Variants in TLL2 observed in about 807,000 individuals in gnomAD.
The protein encoded by TLL2 is tolloid-like protein 2.
Under a neutral mutation model 123.0 loss-of-function variants are expected in TLL2, and 106 were observed. The ratio of observed to expected loss-of-function variants is 0.86; its 90% CI spans 0.74 to 1.01. The LOEUF is 1.01. Ranked by LOEUF, TLL2 falls within the 50% of genes least tolerant of loss-of-function variation. The pLI is 0.00. For synonymous variants in TLL2, 494 were observed against 516.8 expected (o/e 0.96, Z 0.60); for missense variants, 1,332 against 1,336.7 (o/e 1.00, Z 0.06).
rs1846759240 is a variant in TLL2 at position 96,432,901 on chromosome 10, G to A, written c.426C>T (p.Thr142=). 6.2e-7 allele frequency: 1 copy of A among 1,614,138 alleles called. No homozygotes were observed. The highest frequency in any genetic ancestry group is 1.1e-5 in the South Asian group (1 of 91,082). The change falls in exon 4 of 21, where the codon ACC becomes ACT. Residue 142 remains threonine, a synonymous_variant. Coordinates refer to ENST00000357947, the MANE Select transcript of TLL2 (RefSeq NM_012465.4). ...TGGCTCTTCGGACCCGGGGAGAGAA[G>A]GTCTTGGCTGCGGCATGCAAGGTCC... ...SPGTLHAAAK[T]FSPRVRRATT...
At chr10:96,476,240 A>ATATATATATAT in intron 2 of TLL2, among the ~76,000 whole-genome samples, 6 of 20,488 alleles carry the variant, frequency 2.9e-4, no homozygotes, top group South Asian at 1.7e-3. Flanking sequence ...ATATATATAT[A>ATATATATATAT]TTTTATTTTT....
At chr10:96,458,993 C>T (rs1847046419) in intron 2 of TLL2, among the ~76,000 whole-genome samples, 1 of 152,100 alleles carries the variant, frequency 6.6e-6, no homozygotes, top group Non-Finnish European at 1.5e-5. Flanking sequence ...GAGTGATCAA[C>T]ATGAGACTTG....
At chr10:96,391,152 CA>C (rs1298213613) in intron 13 of TLL2, among the ~76,000 whole-genome samples, 1 of 152,118 alleles carries the variant, frequency 6.6e-6, no homozygotes, top group Admixed American at 6.5e-5. Flanking sequence ...GCAAGGGAGG[CA>C]GAGCAGGCAG....
intron 1 of TLL2, among the ~76,000 whole-genome samples, chr10:96,504,642 C>T (rs910568792): frequency 1.2e-4 from 19 of 152,142 alleles, no homozygotes; most frequent in African/African-American, 4.3e-4. Flanking sequence ...ACACAAATCC[C>T]TTAAAATCCC....
At position 96,365,940 on chromosome 10, in the gene TLL2, T is replaced by C. The variant is rs996978791; in HGVS notation, c.*2148A>G. The C allele has an allele frequency of 6.6e-6, 1 of 152,230 alleles. No individual in the cohort carries two copies. The highest frequency in any genetic ancestry group is 6.5e-5 in the Admixed American group (1 of 15,274). 9.4% of individuals were successfully genotyped at this position (152,230 alleles called of 1,614,324 possible). ...AAAGAGATAAAAAGAAGTATCATTGTTTCACCGTCCTGCTGAGCAGCACCA... is the reference window on the plus strand; with the variant it reads ...AAAGAGATAAAAAGAAGTATCATTGCTTCACCGTCCTGCTGAGCAGCACCA... On this transcript the variant is annotated 3_prime_UTR_variant, in exon 21 of 21. Coordinates refer to ENST00000357947, the MANE Select transcript of TLL2 (RefSeq NM_012465.4).
At chr10:96,428,864 G>C in intron 4 of TLL2, 116 bp from the exon 5 acceptor site, 1 of 650,394 alleles carries the variant, frequency 1.5e-6, no homozygotes, top group Non-Finnish European at 2.6e-6. Flanking sequence ...GAGTGCAATA[G>C]TGCGATCTCG....
intron 2 of TLL2, among the ~76,000 whole-genome samples, chr10:96,461,020 C>T (rs1049431155): frequency 4.6e-5 from 7 of 152,106 alleles, no homozygotes; most frequent in African/African-American, 1.2e-4. Flanking sequence ...ATTCTGTTAC[C>T]GCAGCCCAAA....
chr10:96,480,197 TGGAGAA>T, intron 2 of TLL2, 146 bp downstream of exon 2: 1 of 647,456 alleles, frequency 1.5e-6, no homozygotes, highest in South Asian at 2.0e-5. Context: ...CTGGCTCCAG[TGGAGAA>T]GGAGAAGTGA....
chr10:96,368,323 CT>C, intron 20 of TLL2, 101 bp from the exon 21 acceptor site: 1 of 1,408,948 alleles, frequency 7.1e-7, no homozygotes, highest in Non-Finnish European at 9.7e-7. Flanking sequence ...CAGGATGTGT[CT>C]CTGGTACCAG....
intron 1 of TLL2, among the ~76,000 whole-genome samples, chr10:96,490,743 T>C (rs1847404399): frequency 6.6e-6 from 1 of 152,336 alleles, no homozygotes; most frequent in African/African-American, 2.4e-5. Flanking sequence ...AGTATTCCCA[T>C]CACCTCTTCC....
intron 2 of TLL2, among the ~76,000 whole-genome samples, chr10:96,454,570 G>A (rs762774861): frequency 5.3e-4 from 81 of 152,150 alleles, no homozygotes; most frequent in Non-Finnish European, 9.0e-4. Context: ...CAAACCTCCA[G>A]TTCTCCCCTG....
In TLL2 at chr10:96,413,209, T is replaced by C. The variant is rs1394450191; in HGVS notation, c.1031A>G (p.Lys344Arg). ...LSQGDIAQAR[K>R]LYKCPACGET... Reference sequence around the variant, plus strand: ...ATAGTTACCTGGGCATTTGTACAGCTTCCGGGCTTGAGCTATGTCTCCCTG... The same window carrying C: ...ATAGTTACCTGGGCATTTGTACAGCCTCCGGGCTTGAGCTATGTCTCCCTG... Residue 344 changes from lysine (K) to arginine (R), a missense_variant, in exon 8 of 21, where the codon AAG becomes AGG. Lys to Arg is a conservative substitution (Grantham distance 26). Coordinates refer to ENST00000357947, the MANE Select transcript of TLL2 (RefSeq NM_012465.4). 4 of 1,614,044 alleles carry C rather than the reference T, an allele frequency of 2.5e-6. No individual in the cohort carries two copies. Among genetic ancestry groups the C allele is most frequent in the Non-Finnish European group, 3.4e-6 (4 of 1,179,996 alleles).
At chr10:96,438,467 T>C (rs1846819367) in intron 3 of TLL2, among the ~76,000 whole-genome samples, 1 of 152,254 alleles carries the variant, frequency 6.6e-6, no homozygotes, top group Non-Finnish European at 1.5e-5. Flanking sequence ...ATATTTCCAA[T>C]ATAGAAATGT....
chr10:96,486,712 T>C lies in TLL2; in HGVS notation c.176-6253A>G, dbSNP rs560601396. Among the ~76,000 whole-genome samples, 250 of 152,304 alleles carry C rather than the reference T, an allele frequency of 1.6e-3. 1 individual carries two copies. The highest frequency in any genetic ancestry group is 6.8e-3 in the Middle Eastern group (2 of 294). On this transcript the variant is annotated intron_variant, in intron 1 of 20. Coordinates refer to ENST00000357947, the MANE Select transcript of TLL2 (RefSeq NM_012465.4). ...TTCAGAACCTGGAAGTTCACTCCCTTGAACCATCTGTAGAGAGCACCCCTG... is the reference window on the plus strand; with the variant it reads ...TTCAGAACCTGGAAGTTCACTCCCTCGAACCATCTGTAGAGAGCACCCCTG...
chr10:96,407,526 G>A (rs369646413), intron 9 of TLL2, among the ~76,000 whole-genome samples: 4 of 152,194 alleles, frequency 2.6e-5, no homozygotes, highest in African/African-American at 9.7e-5. Context: ...CATATATAGA[G>A]TGTATATTGC....
chr10:96,406,137 G>A (rs1316267836), intron 9 of TLL2, among the ~76,000 whole-genome samples: 1 of 152,160 alleles, frequency 6.6e-6, no homozygotes, highest in Non-Finnish European at 1.5e-5. Flanking sequence ...AGGGCTGGGT[G>A]GTCCCAGGGG....
Position 96,396,107 on chromosome 10 carries a change from C to T in TLL2, c.1385-87G>A, listed in dbSNP as rs1357768154. 20 of 1,515,404 alleles carry T rather than the reference C, an allele frequency of 1.3e-5. No homozygotes were observed. The Admixed American group carries it at 3.4e-4, about 25-fold the overall frequency. The allele number at this position is 1,515,404 out of a possible 1,614,324, so 93.9% of individuals were successfully genotyped here. On this transcript the variant is annotated intron_variant, in intron 11 of 20. Transcript: ENST00000357947. The stretch of plus-strand genomic sequence containing the variant: ...AAGGTTGGGGAGGCGGGGGGAACAG[C>T]GCTTGCCACCACTAGGTGGCTCCGC...
At chr10:96,370,409 G>T (rs1846070948) in intron 19 of TLL2, 94 bp from the exon 20 acceptor site, 1 of 1,445,958 alleles carries the variant, frequency 6.9e-7, no homozygotes, top group African/African-American at 1.4e-5. Context: ...AGCCTGGTGC[G>T]TGCCTGGCAG....
At chr10:96,415,311 T>G (rs1239112242) in intron 7 of TLL2, among the ~76,000 whole-genome samples, 1 of 152,190 alleles carries the variant, frequency 6.6e-6, no homozygotes, top group Non-Finnish European at 1.5e-5. Flanking sequence ...GCCCTCTGTT[T>G]TTTTGTCTGT....
Sources: gnomAD v4.1 joint callset for allele counts (sites outside exome capture counted in the v4.1 genomes callset) on GRCh38, gnomAD v4.1.1 for gene constraint, MANE v1.5 for transcripts, NCBI Gene and HGNC (gene_info 2026-07-23, HGNC 2026-07-21) for gene names.